The following BAZ2B variants were observed in gnomAD, a reference collection of about 807,000 sequenced individuals.
The protein encoded by BAZ2B is bromodomain adjacent to zinc finger domain protein 2B.
A neutral mutation model predicts 246.0 loss-of-function variants in BAZ2B; 91 were observed. The observed-to-expected ratio is 0.37, with a 90% CI of 0.31 to 0.44. BAZ2B has a LOEUF of 0.44. Among genes scored for constraint, BAZ2B ranks in the 20% least tolerant of loss-of-function variants. The probability of loss-of-function intolerance (pLI) is 1.00; values close to 1 mark genes in which losing one functional copy is unlikely to be tolerated. For missense variants in BAZ2B, 2,332 were observed against 2,533.7 expected (o/e 0.92, Z 1.71); for synonymous variants, 855 against 860.0 (o/e 0.99, Z 0.10).
intron 27 of BAZ2B, among the ~76,000 whole-genome samples, chr2:159,365,992 C>T (rs528993601): frequency 1.3e-5 from 2 of 152,332 alleles, no homozygotes; most frequent in South Asian, 4.1e-4. Flanking sequence ...TTATGCTTAA[C>T]ATACTCAACT....
rs560572964 is a variant in BAZ2B at position 159,397,660 on chromosome 2, T to C, written c.2965-271A>G. Among the ~76,000 whole-genome samples, 4 of 152,328 alleles carry C rather than the reference T, an allele frequency of 2.6e-5. No homozygotes were observed. In the East Asian group the frequency reaches 7.7e-4, roughly 29 times the overall value. On this transcript the variant is annotated intron_variant, in intron 18 of 36. Coordinates refer to ENST00000392783, the MANE Select transcript of BAZ2B (RefSeq NM_013450.4). The stretch of plus-strand genomic sequence containing the variant: ...TCATTTTAACTTAAAATTTAACGAA[T>C]GACTGACCTAACTGCACACTTCAAT...
chr2:159,484,062 C>G (rs2079550806), intron 2 of BAZ2B, among the ~76,000 whole-genome samples: 1 of 152,132 alleles, frequency 6.6e-6, no homozygotes, highest in African/African-American at 2.4e-5. Context: ...TTTCGGTTGT[C>G]ACAACTGGAA....
intron 27 of BAZ2B, among the ~76,000 whole-genome samples, chr2:159,361,783 G>A (rs969951447): frequency 1.3e-5 from 2 of 152,074 alleles, no homozygotes; most frequent in Admixed American, 1.3e-4. Flanking sequence ...CCATAAAAAA[G>A]GATGAGTTCA....
chr2:159,504,250 G>A, intron 2 of BAZ2B, among the ~76,000 whole-genome samples: 1 of 151,986 alleles, frequency 6.6e-6, no homozygotes, highest in Non-Finnish European at 1.5e-5. Context: ...CCATGCTGGT[G>A]TGCTGCACCC....
the BAZ2B span, among the ~76,000 whole-genome samples, chr2:159,630,838 T>A: frequency 6.6e-6 from 1 of 151,584 alleles, no homozygotes; most frequent in Admixed American, 6.6e-5. Flanking sequence ...CCGGCCAGAC[T>A]AACCGTATTC....
At chr2:159,588,552 T>G (rs1274830154) in intron 1 of BAZ2B, among the ~76,000 whole-genome samples, 2 of 152,082 alleles carry the variant, frequency 1.3e-5, no homozygotes, top group Admixed American at 1.3e-4. Context: ...ATGACCATAG[T>G]CCATTATTTC....
chr2:159,465,723 A>T (rs1452369060), intron 3 of BAZ2B, among the ~76,000 whole-genome samples: 1 of 152,124 alleles, frequency 6.6e-6, no homozygotes, highest in African/African-American at 2.4e-5. Flanking sequence ...GGAGCTTGAG[A>T]CCAACCTGGC....
the BAZ2B span, among the ~76,000 whole-genome samples, chr2:159,640,869 T>C: frequency 1.0e-4 from 15 of 144,826 alleles, no homozygotes; most frequent in Non-Finnish European, 1.5e-5. Flanking sequence ...AAATCCAAGA[T>C]TAGTAGAAGA....
intron 35 of BAZ2B, among the ~76,000 whole-genome samples, 163 bp from the exon 36 acceptor site, chr2:159,325,117 T>TTATATATATATAA (rs2063473534): frequency 2.9e-4 from 1 of 3,394 alleles, no homozygotes; most frequent in African/African-American, 6.5e-4. Flanking sequence ...TATATATATT[T>TTATATATATATAA]TATATATATA....
chr2:159,629,690 G>A, the BAZ2B span, among the ~76,000 whole-genome samples: 1 of 152,238 alleles, frequency 6.6e-6, no homozygotes, highest in East Asian at 1.9e-4. Context: ...AGGGGGCTAG[G>A]GGAGGGATAG....
At chr2:159,476,346 T>A (rs571588229) in intron 3 of BAZ2B, among the ~76,000 whole-genome samples, 35 of 152,314 alleles carry the variant, frequency 2.3e-4, no homozygotes, top group Non-Finnish European at 3.8e-4. Flanking sequence ...CATTTCTGGA[T>A]AAATGGAATT....
In BAZ2B at chr2:159,377,812, C is replaced by CAAAAAAAAAAAAAAA. The variant is rs35570732; in HGVS notation, c.4006-3074_4006-3060dup. Reference sequence around the variant, plus strand: ...GGGTGACAGAGCGAGACTCTGTCTCCAAAAAAAAAAAAAAAAAAGAAGTGA... The same window carrying CAAAAAAAAAAAAAAA: ...GGGTGACAGAGCGAGACTCTGTCTCCAAAAAAAAAAAAAAAAAAAAAAAAAAAAAAAAAGAAGTGA... On this transcript the variant is annotated intron_variant, in intron 25 of 36. Coordinates refer to ENST00000392783, the MANE Select transcript of BAZ2B (RefSeq NM_013450.4). Among the ~76,000 whole-genome samples the CAAAAAAAAAAAAAAA allele has an allele frequency of 1.2e-3, 111 of 94,142 alleles. 1 individual carries two copies. Among genetic ancestry groups the CAAAAAAAAAAAAAAA allele is most frequent in the Middle Eastern group, 5.3e-3 (1 of 188 alleles). The allele number at this position is 94,142 out of a possible 152,430, so 61.8% of individuals were successfully genotyped here.
At chr2:159,452,251 C>T (rs2075193583) in intron 4 of BAZ2B, among the ~76,000 whole-genome samples, 1 of 152,204 alleles carries the variant, frequency 6.6e-6, no homozygotes, top group Non-Finnish European at 1.5e-5. Context: ...AAAAACACTT[C>T]TTTCCTTTTA....
chr2:159,349,290 G>A lies in BAZ2B; in HGVS notation c.4864-10C>T, dbSNP rs745614474. On this transcript the variant is annotated splice_polypyrimidine_tract_variant and intron_variant, in intron 28 of 36. Transcript: ENST00000392783. ...ATACTCCACCTTTCACCTGCAAAAA[G>A]AAAACATTTATTAATGAAAAGTAGA... 1.9e-6 allele frequency: 3 copies of A among 1,570,130 alleles called. No homozygotes were observed. Among genetic ancestry groups the A allele is most frequent in the Non-Finnish European group, 2.6e-6 (3 of 1,157,514 alleles).
At chr2:159,578,302 T>C (rs1005891013) in intron 1 of BAZ2B, among the ~76,000 whole-genome samples, 26 of 152,192 alleles carry the variant, frequency 1.7e-4, no homozygotes, top group African/African-American at 6.3e-4. Context: ...AGTGATACAA[T>C]ACACTCTTTG....
chr2:159,536,084 A>G (rs1005332087), intron 2 of BAZ2B, among the ~76,000 whole-genome samples: 24 of 152,222 alleles, frequency 1.6e-4, no homozygotes, highest in Non-Finnish European at 2.9e-4. Flanking sequence ...CTACAAATAT[A>G]CATTAAAAAC....
chr2:159,665,304 C>A, the BAZ2B span, among the ~76,000 whole-genome samples: 17 of 19,282 alleles, frequency 8.8e-4, no homozygotes, highest in South Asian at 0.021. Context: ...TCAATGCCAT[C>A]CCCATCAAGC....
intron 2 of BAZ2B, among the ~76,000 whole-genome samples, chr2:159,554,836 A>G (rs2151464221): frequency 6.6e-6 from 1 of 152,250 alleles, no homozygotes; most frequent in South Asian, 2.1e-4. Flanking sequence ...TAATGTGGAT[A>G]AAGGCCCTGG....
At chr2:159,390,855 C>T (rs2063248475) in intron 20 of BAZ2B, among the ~76,000 whole-genome samples, 1 of 152,098 alleles carries the variant, frequency 6.6e-6, no homozygotes, top group South Asian at 2.1e-4. Context: ...TGCAGACATT[C>T]TGGGAGGACA....
Sources: allele counts gnomAD v4.1 joint callset (sites outside exome capture counted in the v4.1 genomes callset), GRCh38; gene constraint gnomAD v4.1.1; transcripts MANE v1.5; gene names NCBI Gene and HGNC (gene_info 2026-07-23, HGNC 2026-07-21).